GPC6: variants seen among roughly 807,000 people sequenced by gnomAD.
GPC6 encodes the protein glypican-6.
Under a neutral mutation model 55.2 loss-of-function variants are expected in GPC6, and 14 were observed. The ratio of observed to expected loss-of-function variants is 0.25; its 90% CI spans 0.17 to 0.40. The LOEUF is 0.40. Ranked by LOEUF, GPC6 falls within the 10% of genes least tolerant of loss-of-function variation. GPC6 has a pLI of 1.00. For synonymous variants in GPC6, 278 were observed against 259.6 expected, an observed-to-expected ratio of 1.07 and a Z score of -0.68; for missense variants, 641 against 708.5, an observed-to-expected ratio of 0.90 and a Z score of 1.08.
intron 4 of GPC6, among the ~76,000 whole-genome samples, chr13:94,119,355 A>AG (rs1886547086): frequency 6.6e-6 from 1 of 151,926 alleles, no homozygotes; most frequent in Admixed American, 6.6e-5. Context: ...GGAGAGCCAA[A>AG]GGAGGGGTAG....
chr13:93,316,938 A>G (rs1005752381), intron 1 of GPC6, among the ~76,000 whole-genome samples: 1 of 152,090 alleles, frequency 6.6e-6, no homozygotes, highest in African/African-American at 2.4e-5. Flanking sequence ...TTAAGCTGTC[A>G]TTATCTGATC....
chr13:93,913,535 A>G (rs1221588221), intron 3 of GPC6, among the ~76,000 whole-genome samples: 1 of 152,130 alleles, frequency 6.6e-6, no homozygotes, highest in Non-Finnish European at 1.5e-5. Context: ...ATCCATCTTT[A>G]AATTTAGCCA....
chr13:93,710,033 A>G (rs1391760466), intron 2 of GPC6, among the ~76,000 whole-genome samples: 3 of 151,846 alleles, frequency 2.0e-5, no homozygotes, highest in Non-Finnish European at 2.9e-5. Flanking sequence ...CTTGTAAATT[A>G]CCATTGGAAT....
chr13:94,229,188 A>G (rs1365617867), intron 4 of GPC6, among the ~76,000 whole-genome samples: 1 of 152,196 alleles, frequency 6.6e-6, no homozygotes, highest in Non-Finnish European at 1.5e-5. Context: ...TATTTAACAT[A>G]CATTTAATTA....
At chr13:93,724,456 T>A (rs893166874) in intron 2 of GPC6, among the ~76,000 whole-genome samples, 2 of 152,070 alleles carry the variant, frequency 1.3e-5, no homozygotes, top group Non-Finnish European at 2.9e-5. Context: ...CTCGTGAGAT[T>A]CTGTTTCAGG....
chr13:93,377,243 G>C (rs898932768), intron 1 of GPC6, among the ~76,000 whole-genome samples: 2 of 152,200 alleles, frequency 1.3e-5, no homozygotes, highest in African/African-American at 4.8e-5. Context: ...AATCTCCCAT[G>C]ATGTCCTAAG....
chr13:93,481,638 CA>C (rs1879524396), intron 1 of GPC6, among the ~76,000 whole-genome samples: 3 of 93,006 alleles, frequency 3.2e-5, no homozygotes, highest in African/African-American at 1.2e-4. Context: ...GATCCAGCTT[CA>C]TTTTTTTTTT....
chr13:93,856,202 A>G (rs1351150172), intron 3 of GPC6, among the ~76,000 whole-genome samples: 1 of 151,512 alleles, frequency 6.6e-6, no homozygotes, highest in Non-Finnish European at 1.5e-5. Context: ...TATGCTTCCC[A>G]AAATAATCTT....
At chr13:94,355,751 A>G (rs1189497609) in intron 6 of GPC6, among the ~76,000 whole-genome samples, 3 of 152,108 alleles carry the variant, frequency 2.0e-5, no homozygotes, top group African/African-American at 2.4e-5. Context: ...AGCACATGCC[A>G]TGTATATTTT....
chr13:94,249,108 T>C (rs569953566), intron 4 of GPC6, among the ~76,000 whole-genome samples: 11 of 152,256 alleles, frequency 7.2e-5, no homozygotes, highest in African/African-American at 2.6e-4. Flanking sequence ...GCCAAAGCTT[T>C]AGGGAAATCA....
chr13:94,115,521 A>G (rs1442864737), intron 4 of GPC6, among the ~76,000 whole-genome samples: 1 of 152,156 alleles, frequency 6.6e-6, no homozygotes, highest in Non-Finnish European at 1.5e-5. Flanking sequence ...ACGTAGTCAC[A>G]GAGAACAGAC....
intron 5 of GPC6, among the ~76,000 whole-genome samples, chr13:94,290,393 C>T (rs1874890724): frequency 7.1e-6 from 1 of 141,532 alleles, no homozygotes; most frequent in South Asian, 2.2e-4. Context: ...TGCACTCCAA[C>T]CTGGGCGACA....
chr13:93,766,131 A>T (rs1885123928), intron 2 of GPC6, among the ~76,000 whole-genome samples: 2 of 152,230 alleles, frequency 1.3e-5, no homozygotes, highest in South Asian at 4.1e-4. Flanking sequence ...CTTAATCAGT[A>T]CAGATTTCTG....
intron 3 of GPC6, among the ~76,000 whole-genome samples, chr13:93,955,112 A>G (rs1879441841): frequency 6.6e-6 from 1 of 152,066 alleles, no homozygotes; most frequent in African/African-American, 2.4e-5. Context: ...GTGGCAGGTC[A>G]CACTTCTTTT....
intron 1 of GPC6, among the ~76,000 whole-genome samples, chr13:93,527,588 T>G (rs1159981501): frequency 6.6e-6 from 1 of 152,178 alleles, no homozygotes; most frequent in African/African-American, 2.4e-5. Context: ...CTAGAATTTA[T>G]TATATCATTT....
chr13:93,410,756 G>A (rs139925740), intron 1 of GPC6, among the ~76,000 whole-genome samples: 1 of 152,210 alleles, frequency 6.6e-6, no homozygotes, highest in East Asian at 1.9e-4. Flanking sequence ...TGAGTTTCTG[G>A]CTCATAATGT....
chr13:94,069,652 G>A (rs1884657199), intron 4 of GPC6, among the ~76,000 whole-genome samples: 1 of 152,132 alleles, frequency 6.6e-6, no homozygotes, highest in Admixed American at 6.5e-5. Context: ...TCTTCTGCCA[G>A]ATACGCTAAG....
chr13:94,172,222 A>G (rs1429586212), intron 4 of GPC6, among the ~76,000 whole-genome samples: 1 of 152,134 alleles, frequency 6.6e-6, no homozygotes, highest in Non-Finnish European at 1.5e-5. Context: ...CAAGTAAGAT[A>G]TCACTGAAAT....
chr13:93,750,842 C>T (rs1343532618), intron 2 of GPC6, among the ~76,000 whole-genome samples: 1 of 152,160 alleles, frequency 6.6e-6, no homozygotes, highest in Admixed American at 6.5e-5. Context: ...TGAACTACCA[C>T]CATGGTGATT....
Sources: allele counts gnomAD v4.1 joint callset (sites outside exome capture counted in the v4.1 genomes callset), GRCh38; gene constraint gnomAD v4.1.1; transcripts MANE v1.5; gene names NCBI Gene and HGNC (gene_info 2026-07-23, HGNC 2026-07-21).